Variants in ROBO2 observed in about 807,000 individuals in gnomAD.
The protein encoded by ROBO2 is roundabout homolog 2.
ROBO2 carries 53 observed loss-of-function variants against 160.8 expected under a neutral mutation model. That is an observed-to-expected ratio of 0.33 (90% CI 0.26 to 0.41). The LOEUF is 0.41. ROBO2 is among the 10% of genes least tolerant of loss of function. The pLI is 1.00. For missense variants in ROBO2, 1,577 were observed against 1,722.4 expected (o/e 0.92, Z 1.49); for synonymous variants, 664 against 611.7 (o/e 1.09, Z -1.26).
chr3:76,482,170 A>G (rs1367743684), intron 2 of ROBO2, among the ~76,000 whole-genome samples: 7 of 152,172 alleles, frequency 4.6e-5, no homozygotes, highest in African/African-American at 1.7e-4. Flanking sequence ...CACGCTCTGC[A>G]GGTATGCCTT....
chr3:76,466,403 A>C (rs2078363975), intron 2 of ROBO2, among the ~76,000 whole-genome samples: 1 of 151,952 alleles, frequency 6.6e-6, no homozygotes, highest in African/African-American at 2.4e-5. Context: ...AAAGTATTTT[A>C]ACATTCAGAA....
At chr3:75,916,774 C>T (rs1221256883) in intron 1 of ROBO2, among the ~76,000 whole-genome samples, 1 of 151,316 alleles carries the variant, frequency 6.6e-6, no homozygotes, top group Non-Finnish European at 1.5e-5. Context: ...TTAAAAACAC[C>T]TGTAAATGAA....
At chr3:76,756,538 A>T (rs552572980) in intron 2 of ROBO2, among the ~76,000 whole-genome samples, 8 of 151,898 alleles carry the variant, frequency 5.3e-5, no homozygotes, top group African/African-American at 1.9e-4. Context: ...TGATTATGTT[A>T]TTTAAAGATG....
At chr3:77,293,869 T>C (rs1191379136) in intron 2 of ROBO2, among the ~76,000 whole-genome samples, 6 of 124,468 alleles carry the variant, frequency 4.8e-5, no homozygotes, top group African/African-American at 7.1e-5. Context: ...TCACCCCAGA[T>C]GTAAAGTAAA....
chr3:76,752,542 TGAG>T (rs770094517), intron 2 of ROBO2, among the ~76,000 whole-genome samples: 133 of 151,720 alleles, frequency 8.8e-4, no homozygotes, highest in Admixed American at 2.0e-3. Context: ...TGTTCAAGAT[TGAG>T]GAGGTGTTAG....
chr3:77,123,109 T>C (rs2074945106), intron 2 of ROBO2, among the ~76,000 whole-genome samples: 1 of 152,190 alleles, frequency 6.6e-6, no homozygotes, highest in South Asian at 2.1e-4. Context: ...ATTAACTCTA[T>C]ATGATTTAAT....
chr3:76,100,699 G>A (rs1011500247), intron 2 of ROBO2, among the ~76,000 whole-genome samples: 33 of 152,280 alleles, frequency 2.2e-4, no homozygotes, highest in South Asian at 6.2e-4. Flanking sequence ...TTTCTAGGGC[G>A]TAATTTTCTA....
At chr3:76,507,881 G>C (rs1203154226) in intron 2 of ROBO2, among the ~76,000 whole-genome samples, 1 of 152,030 alleles carries the variant, frequency 6.6e-6, no homozygotes, top group Non-Finnish European at 1.5e-5. Context: ...CTCTTTCATA[G>C]GAAATCAAAG....
At chr3:77,555,122 A>G (rs2093064284) in intron 8 of ROBO2, among the ~76,000 whole-genome samples, 1 of 152,020 alleles carries the variant, frequency 6.6e-6, no homozygotes, top group South Asian at 2.1e-4. Context: ...CTAGGCTCAA[A>G]TGATCATTAG....
intron 2 of ROBO2, among the ~76,000 whole-genome samples, chr3:76,261,091 C>T (rs1282709743): frequency 6.6e-6 from 1 of 151,788 alleles, no homozygotes. Flanking sequence ...ATTCAACTTT[C>T]AGTCTGAATT....
In ROBO2 at chr3:77,325,972, T is replaced by C. The variant is rs139480331; in HGVS notation, c.389-151442T>C. Among the ~76,000 whole-genome samples, 389 of 152,358 alleles carry C rather than the reference T, an allele frequency of 2.6e-3. 2 individuals are homozygous for C. The highest frequency in any genetic ancestry group is 8.9e-3 in the African/African-American group (371 of 41,586). ...CATGGAATTGAAGATCCTAGATTCA[T>C]AGAATTCTTTCCTTGAGCTGCCATT... On this transcript the variant is annotated intron_variant, in intron 2 of 25. Transcript: ENST00000461745.
chr3:76,004,693 C>G (rs1576448707), intron 2 of ROBO2, among the ~76,000 whole-genome samples: 1 of 152,066 alleles, frequency 6.6e-6, no homozygotes, highest in Non-Finnish European at 1.5e-5. Flanking sequence ...TCCAAAGGCT[C>G]CAACTCCAAA....
intron 2 of ROBO2, among the ~76,000 whole-genome samples, chr3:76,139,957 G>T (rs926184551): frequency 6.6e-6 from 1 of 151,972 alleles, no homozygotes; most frequent in Non-Finnish European, 1.5e-5. Flanking sequence ...AGTTATTAAG[G>T]AGTAAAATGC....
intron 2 of ROBO2, among the ~76,000 whole-genome samples, chr3:77,455,905 C>T (rs1315872555): frequency 6.6e-6 from 1 of 152,114 alleles, no homozygotes; most frequent in African/African-American, 2.4e-5. Context: ...AACTAAGGAG[C>T]TTTGCCAGTT....
intron 23 of ROBO2, chr3:77,632,563 T>C (rs1181879233): frequency 6.5e-7 from 1 of 1,535,858 alleles, no homozygotes; most frequent in South Asian, 1.2e-5. Flanking sequence ...CTCAGATGGC[T>C]CTATCTTTGC....
At chr3:76,902,171 A>G (rs2075285336) in intron 2 of ROBO2, among the ~76,000 whole-genome samples, 1 of 152,038 alleles carries the variant, frequency 6.6e-6, no homozygotes. Context: ...GTACCATAAC[A>G]TTATTGGTGG....
At chr3:76,545,035 A>C (rs1463349047) in intron 2 of ROBO2, among the ~76,000 whole-genome samples, 1 of 151,972 alleles carries the variant, frequency 6.6e-6, no homozygotes, top group Non-Finnish European at 1.5e-5. Flanking sequence ...CACAGAAGAT[A>C]CAATCAAACG....
chr3:76,720,771 T>A (rs1375406226), intron 2 of ROBO2, among the ~76,000 whole-genome samples: 1 of 152,188 alleles, frequency 6.6e-6, no homozygotes, highest in African/African-American at 2.4e-5. Flanking sequence ...ATTTGCCCAC[T>A]CTCTTTTGCA....
intron 2 of ROBO2, among the ~76,000 whole-genome samples, chr3:76,899,839 CATAAGT>C (rs562759186): frequency 2.0e-5 from 3 of 151,948 alleles, no homozygotes; most frequent in Non-Finnish European, 2.9e-5. Context: ...TTATGATGCT[CATAAGT>C]ATATGTTTTG....
Sources: allele counts gnomAD v4.1 joint callset (sites outside exome capture counted in the v4.1 genomes callset), GRCh38; gene constraint gnomAD v4.1.1; transcripts MANE v1.5; gene names NCBI Gene and HGNC (gene_info 2026-07-23, HGNC 2026-07-21).